Variants in RERE observed in about 807,000 individuals in gnomAD.
RERE encodes the protein arginine-glutamic acid dipeptide repeats.
Under a neutral mutation model 146.1 loss-of-function variants are expected in RERE, and 40 were observed. The observed-to-expected ratio is 0.27, with a 90% CI of 0.21 to 0.36. RERE has a LOEUF of 0.36. Ranked by LOEUF, RERE falls within the 10% of genes least tolerant of loss-of-function variation. RERE has a pLI of 1.00. For synonymous variants in RERE, 1,003 were observed against 866.0 expected (o/e 1.16, Z -2.78); for missense variants, 1,933 against 2,138.7 (o/e 0.90, Z 1.90).
chr1:8,748,572 C>A (rs538403725), intron 1 of RERE, among the ~76,000 whole-genome samples: 150 of 152,350 alleles, frequency 9.8e-4, no homozygotes, highest in Non-Finnish European at 1.8e-3. Context: ...ATCATGGAAA[C>A]AGAGCCAAAA....
chr1:8,695,954 C>G (rs558449111), intron 1 of RERE, among the ~76,000 whole-genome samples: 7 of 152,234 alleles, frequency 4.6e-5, no homozygotes, highest in African/African-American at 1.7e-4. Flanking sequence ...AGAAGACATA[C>G]AAGTGGCCAA....
At chr1:8,723,856 C>T (rs1328443954) in intron 1 of RERE, among the ~76,000 whole-genome samples, 2 of 152,178 alleles carry the variant, frequency 1.3e-5, no homozygotes, top group African/African-American at 4.8e-5. Flanking sequence ...TCTGAATTAC[C>T]ATCATCACAT....
chr1:8,666,871 C>T (rs554992703), intron 1 of RERE, among the ~76,000 whole-genome samples: 2 of 152,318 alleles, frequency 1.3e-5, no homozygotes, highest in East Asian at 1.9e-4. Context: ...TACCCCTGCA[C>T]GATTCTCTAC....
intron 12 of RERE, among the ~76,000 whole-genome samples, chr1:8,420,345 G>A (rs1643891886): frequency 6.6e-6 from 1 of 152,122 alleles, no homozygotes; most frequent in African/African-American, 2.4e-5. Context: ...CTATATTAGA[G>A]GGATTTGCTA....
chr1:8,734,221 C>G (rs181434616), intron 1 of RERE, among the ~76,000 whole-genome samples: 2 of 152,224 alleles, frequency 1.3e-5, no homozygotes, highest in African/African-American at 4.8e-5. Context: ...AAATTCATTA[C>G]AAGGTGAAGA....
In RERE at chr1:8,412,273, T is replaced by C. The variant is rs1643636234; in HGVS notation, c.1284+10454A>G. 3.3e-5 allele frequency among the ~76,000 whole-genome samples: 5 copies of C among 152,322 alleles called. 1 individual carries two copies. The South Asian group carries it at 1.0e-3, about 32-fold the overall frequency. On this transcript the variant is annotated intron_variant, in intron 12 of 22. Transcript: ENST00000400908. Reference sequence around the variant, plus strand: ...TCACTGAAGAAAGTCTCCAGCTTAATATTGCTCCCGACACCCTCTGTGGTG... The same window carrying C: ...TCACTGAAGAAAGTCTCCAGCTTAACATTGCTCCCGACACCCTCTGTGGTG...
chr1:8,534,134 C>T, intron 7 of RERE, among the ~76,000 whole-genome samples: 1 of 152,146 alleles, frequency 6.6e-6, no homozygotes, highest in East Asian at 1.9e-4. Flanking sequence ...GGAACTGTTA[C>T]TCAAATGCAA....
chr1:8,756,719 C>T (rs1299640416), intron 1 of RERE, among the ~76,000 whole-genome samples: 1 of 152,136 alleles, frequency 6.6e-6, no homozygotes, highest in Non-Finnish European at 1.5e-5. Flanking sequence ...AGAATGAAAA[C>T]ATGCAATTAT....
intron 7 of RERE, among the ~76,000 whole-genome samples, chr1:8,517,033 A>C (rs1645429088): frequency 6.6e-6 from 1 of 152,206 alleles, no homozygotes; most frequent in Non-Finnish European, 1.5e-5. Context: ...TGTGGTGGTT[A>C]CACAAAGCTA....
At chr1:8,581,435 C>T (rs1368417768) in intron 4 of RERE, among the ~76,000 whole-genome samples, 2 of 152,122 alleles carry the variant, frequency 1.3e-5, no homozygotes, top group Admixed American at 6.5e-5. Flanking sequence ...CTGAAGCTGC[C>T]CTATTTTCAT....
chr1:8,783,583 CTGTT>C (rs761564464), intron 1 of RERE, among the ~76,000 whole-genome samples: 1 of 152,056 alleles, frequency 6.6e-6, no homozygotes, highest in South Asian at 2.1e-4. Context: ...AGTGGGAGGA[CTGTT>C]TGAACTCAGG....
chr1:8,510,738 G>A (rs1405401902), intron 7 of RERE, among the ~76,000 whole-genome samples: 1 of 151,804 alleles, frequency 6.6e-6, no homozygotes, highest in East Asian at 2.0e-4. Flanking sequence ...AGTAGGTCTA[G>A]CCAGAATGTA....
Position 8,364,389 on chromosome 1 carries a change from C to A in RERE, c.1541-134G>T. The A allele has an allele frequency of 2.6e-6, 2 of 772,370 alleles. No homozygotes were observed. The highest frequency in any genetic ancestry group is 4.3e-6 in the Non-Finnish European group (2 of 461,704). 47.8% of individuals were successfully genotyped at this position (772,370 alleles called of 1,614,324 possible). A position where few individuals can be genotyped will look rare whatever the true frequency, so the allele number is the denominator to read the frequency against. ...CACCATGCAGCCCTGGGCCCCAACA[C>A]CCCAGGGCTAGTGCTGCCCTGCTCC... On this transcript the variant is annotated intron_variant, in intron 14 of 22. Transcript: ENST00000400908. This position sits in a 1 kb window ranked among gnomAD's most constrained non-coding sequence, Gnocchi z 5.1.
chr1:8,542,943 A>G (rs902836502), intron 6 of RERE, among the ~76,000 whole-genome samples: 66 of 152,254 alleles, frequency 4.3e-4, no homozygotes, highest in Admixed American at 4.3e-3. Flanking sequence ...TGAGCACTTC[A>G]AACAACACTG....
At chr1:8,438,031 G>A (rs910922045) in intron 11 of RERE, among the ~76,000 whole-genome samples, 7 of 152,118 alleles carry the variant, frequency 4.6e-5, no homozygotes, top group African/African-American at 1.7e-4. Context: ...TGCCACCTAG[G>A]CTACAGTGGT....
intron 1 of RERE, among the ~76,000 whole-genome samples, chr1:8,701,531 T>C (rs1163168638): frequency 6.6e-6 from 1 of 152,136 alleles, no homozygotes; most frequent in African/African-American, 2.4e-5. Context: ...TTAGAGTGAA[T>C]GAATGTGGGT....
At chr1:8,422,374 C>T (rs1643922372) in intron 12 of RERE, among the ~76,000 whole-genome samples, 4 of 152,288 alleles carry the variant, frequency 2.6e-5, no homozygotes, top group African/African-American at 9.6e-5. Context: ...CAAATTCAAA[C>T]TAGTGATAAA....
At chr1:8,590,056 C>T (rs1646474217) in intron 4 of RERE, among the ~76,000 whole-genome samples, 1 of 152,130 alleles carries the variant, frequency 6.6e-6, no homozygotes, top group African/African-American at 2.4e-5. Context: ...AGCACCACCT[C>T]AGGACTAAGT....
At chr1:8,493,443 C>G (rs1446965660) in intron 10 of RERE, among the ~76,000 whole-genome samples, 1 of 152,140 alleles carries the variant, frequency 6.6e-6, no homozygotes, top group African/African-American at 2.4e-5. Flanking sequence ...ATATCCCTAG[C>G]AAAACCACTC....
Sources: gnomAD v4.1 joint callset for allele counts (sites outside exome capture counted in the v4.1 genomes callset) on GRCh38, gnomAD v4.1.1 for gene constraint, Gnocchi (gnomAD v3.1) non-coding constraint, MANE v1.5 for transcripts, NCBI Gene and HGNC (gene_info 2026-07-23, HGNC 2026-07-21) for gene names.